The following PTK2 variants were observed in gnomAD, a reference collection of about 807,000 sequenced individuals.
The protein encoded by PTK2 is protein tyrosine kinase 2, also known as focal adhesion kinase 1.
In PTK2, 45 loss-of-function variants were observed where a neutral mutation model predicts 150.1. The observed-to-expected ratio is 0.30, with a 90% CI of 0.24 to 0.38. The LOEUF (loss-of-function observed/expected upper bound fraction) is 0.38. PTK2 is among the 10% of genes least tolerant of loss of function. The pLI is 1.00. For missense variants in PTK2, 919 were observed against 1,307.3 expected (o/e 0.70, Z 4.58); for synonymous variants, 432 against 449.2 (o/e 0.96, Z 0.48).
intron 26 of PTK2, among the ~76,000 whole-genome samples, chr8:140,698,294 A>G (rs1035997702): frequency 6.6e-6 from 1 of 152,170 alleles, no homozygotes; most frequent in Admixed American, 6.5e-5. Context: ...AGAATTTATA[A>G]TATCTACTTT....
chr8:140,697,852 GTTTTTT>G (rs71308981), intron 26 of PTK2, among the ~76,000 whole-genome samples: 18 of 47,966 alleles, frequency 3.8e-4, no homozygotes, highest in Non-Finnish European at 5.7e-4. Flanking sequence ...AGGGTTTACT[GTTTTTT>G]TTTTTTTTTT....
At chr8:140,976,248 T>C (rs1033158772) in intron 1 of PTK2, among the ~76,000 whole-genome samples, 2 of 152,216 alleles carry the variant, frequency 1.3e-5, no homozygotes, top group African/African-American at 2.4e-5. Context: ...TCTAGACACT[T>C]ACACAATACC....
intron 14 of PTK2, among the ~76,000 whole-genome samples, chr8:140,773,911 G>A: frequency 6.6e-6 from 1 of 152,076 alleles, no homozygotes; most frequent in Admixed American, 6.6e-5. Flanking sequence ...GGGGTGAGGA[G>A]GGCATGACTG....
At chr8:141,000,127 C>CACACACAA (rs58481152) in intron 1 of PTK2, among the ~76,000 whole-genome samples, 1,353 of 123,834 alleles carry the variant, frequency 0.011, 39 homozygotes, top group African/African-American at 0.037. Flanking sequence ...ACACACACAC[C>CACACACAA]CCTTCTTCTA....
chr8:140,760,107 A>T (rs2100068532), intron 16 of PTK2, among the ~76,000 whole-genome samples: 1 of 151,984 alleles, frequency 6.6e-6, no homozygotes, highest in African/African-American at 2.4e-5. Flanking sequence ...CTGTAGTCCC[A>T]GCTGCTCAGG....
intron 5 of PTK2, among the ~76,000 whole-genome samples, chr8:140,857,570 TA>T (rs1033676889): frequency 1.3e-5 from 2 of 151,872 alleles, no homozygotes; most frequent in African/African-American, 4.8e-5. Flanking sequence ...CACAAGAAGG[TA>T]AAGGAAAATG....
intron 3 of PTK2, among the ~76,000 whole-genome samples, chr8:140,885,564 A>G (rs935420785): frequency 2.0e-5 from 3 of 152,224 alleles, no homozygotes; most frequent in Middle Eastern, 3.2e-3. Flanking sequence ...ATGGTGAGGC[A>G]TAAGGGAGCA....
intron 7 of PTK2, among the ~76,000 whole-genome samples, chr8:140,845,154 T>A (rs2100124621): frequency 6.6e-6 from 1 of 152,148 alleles, no homozygotes; most frequent in African/African-American, 2.4e-5. Context: ...TCTTCTTTAA[T>A]GAAATTCTAA....
chr8:140,746,737 G>T, intron 18 of PTK2, 23 bp downstream of exon 21: 1 of 1,541,304 alleles, frequency 6.5e-7, no homozygotes, highest in Non-Finnish European at 8.9e-7. Flanking sequence ...AGTCCAGAAG[G>T]TAAGATTTGG....
chr8:140,777,752 T>C (rs1160284733), intron 14 of PTK2, among the ~76,000 whole-genome samples: 1 of 152,180 alleles, frequency 6.6e-6, no homozygotes, highest in East Asian at 1.9e-4. Flanking sequence ...AATGGGCTTA[T>C]GCCAATGCAG....
At chr8:140,851,352 A>C (rs2100129185) in intron 5 of PTK2, among the ~76,000 whole-genome samples, 1 of 152,254 alleles carries the variant, frequency 6.6e-6, no homozygotes, top group African/African-American at 2.4e-5. Flanking sequence ...TGATTTATCA[A>C]ATGTTTATAA....
intron 4 of PTK2, among the ~76,000 whole-genome samples, chr8:140,867,695 C>T (rs1403036787): frequency 6.6e-6 from 1 of 152,114 alleles, no homozygotes; most frequent in Non-Finnish European, 1.5e-5. Flanking sequence ...ACCCCTGTGA[C>T]ACGTAGTTTA....
chr8:140,686,319 G>A (rs568706153), intron 27 of PTK2, among the ~76,000 whole-genome samples: 2 of 152,140 alleles, frequency 1.3e-5, no homozygotes, highest in East Asian at 3.9e-4. Flanking sequence ...TCACCTGGGT[G>A]CCAAATGACC....
chr8:140,913,052 A>T (rs987635312), intron 2 of PTK2, among the ~76,000 whole-genome samples: 1 of 152,210 alleles, frequency 6.6e-6, no homozygotes, highest in Non-Finnish European at 1.5e-5. Flanking sequence ...AAAAAGGGGA[A>T]ATCTGTCTCC....
intron 3 of PTK2, among the ~76,000 whole-genome samples, chr8:140,886,123 G>A (rs2100152182): frequency 6.6e-6 from 1 of 152,194 alleles, no homozygotes; most frequent in South Asian, 2.1e-4. Flanking sequence ...GACAGGATTA[G>A]CTAATGTATT....
chr8:140,878,828 T>C (rs1210219865), intron 4 of PTK2, among the ~76,000 whole-genome samples: 4 of 148,454 alleles, frequency 2.7e-5, no homozygotes, highest in Non-Finnish European at 5.9e-5. Flanking sequence ...TAGTAACATC[T>C]TGAGTTGCTT....
chr8:140,883,478 A>C (rs963579041), intron 3 of PTK2, among the ~76,000 whole-genome samples: 8 of 152,232 alleles, frequency 5.3e-5, no homozygotes, highest in African/African-American at 1.9e-4. Context: ...TTATCTCCTT[A>C]CTGCTTCCTA....
At chr8:140,726,364 A>C (rs2100045799) in intron 22 of PTK2, among the ~76,000 whole-genome samples, 1 of 152,212 alleles carries the variant, frequency 6.6e-6, no homozygotes, top group Admixed American at 6.5e-5. Context: ...CAATGATCTA[A>C]GTTTTTCTAA....
chr8:140,877,283 C>T (rs1157509277), intron 4 of PTK2, among the ~76,000 whole-genome samples: 1 of 152,154 alleles, frequency 6.6e-6, no homozygotes, highest in East Asian at 1.9e-4. Context: ...ATTTGCCTGC[C>T]TCAGCCTCTC....
Sources: gnomAD v4.1 joint callset for allele counts (sites outside exome capture counted in the v4.1 genomes callset) on GRCh38, gnomAD v4.1.1 for gene constraint, MANE v1.5 for transcripts, NCBI Gene and HGNC (gene_info 2026-07-23, HGNC 2026-07-21) for gene names.